The following SERPINB2 variants were observed in gnomAD, a reference collection of about 807,000 sequenced individuals.
SERPINB2 encodes the protein serpin family B member 2.
In SERPINB2, 28 loss-of-function variants were observed where a neutral mutation model predicts 39.4. The ratio of observed to expected loss-of-function variants is 0.71; its 90% confidence interval spans 0.53 to 0.97. SERPINB2 has a LOEUF of 0.97. Among genes scored for constraint, SERPINB2 ranks in the 50% least tolerant of loss-of-function variants. SERPINB2 has a pLI of 0.00. For synonymous variants in SERPINB2, 209 were observed against 175.1 expected, an observed-to-expected ratio of 1.19 and a Z score of -1.53; for missense variants, 557 against 505.3, an observed-to-expected ratio of 1.10 and a Z score of -0.98.
At chr18:63,897,046 A>G in intron 3 of SERPINB2, 45 bp from the exon 4 acceptor site, 1 of 1,558,246 alleles carries the variant, frequency 6.4e-7, no homozygotes, top group South Asian at 1.2e-5. Flanking sequence ...TATCTTGTTT[A>G]GTAGTTCTGT....
At chr18:63,902,288 T>A (rs1599064909) in intron 6 of SERPINB2, 116 bp from the exon 7 acceptor site, 1 of 914,078 alleles carries the variant, frequency 1.1e-6, no homozygotes, top group East Asian at 2.8e-5. Flanking sequence ...TTTTGTTGAT[T>A]TAAAAAAATC....
At chr18:63,893,796 T>C (rs2049941888) in intron 2 of SERPINB2, among the ~76,000 whole-genome samples, 1 of 152,202 alleles carries the variant, frequency 6.6e-6, no homozygotes. Flanking sequence ...CCAGGCATCT[T>C]TCTAAGAACT....
intron 1 of SERPINB2, 37 bp downstream of exon 1, chr18:63,887,807 T>C (rs902563017): frequency 9.2e-5 from 14 of 152,284 alleles, no homozygotes; most frequent in African/African-American, 2.9e-4. Flanking sequence ...CTATGGGAAA[T>C]AGGGTTTCAT....
intron 5 of SERPINB2, among the ~76,000 whole-genome samples, chr18:63,900,630 T>C (rs910848180): frequency 1.3e-5 from 2 of 152,142 alleles, no homozygotes; most frequent in Admixed American, 6.6e-5. Flanking sequence ...GGGGAATAAC[T>C]TTTGGGTCAT....
chr18:63,889,448 A>G (rs898625016), intron 1 of SERPINB2, among the ~76,000 whole-genome samples: 1 of 152,168 alleles, frequency 6.6e-6, no homozygotes, highest in Non-Finnish European at 1.5e-5. Context: ...CAAAGTTACT[A>G]TGTGGATTGT....
chr18:63,893,948 T>C (rs2049942900), intron 2 of SERPINB2, among the ~76,000 whole-genome samples: 1 of 152,174 alleles, frequency 6.6e-6, no homozygotes, highest in African/African-American at 2.4e-5. Flanking sequence ...GGTACATTTG[T>C]AGTGAAAGAA....
At chr18:63,889,107 C>A (rs2049909520) in intron 1 of SERPINB2, among the ~76,000 whole-genome samples, 1 of 152,140 alleles carries the variant, frequency 6.6e-6, no homozygotes, top group Non-Finnish European at 1.5e-5. Flanking sequence ...TGAAATGGAC[C>A]AGCTGTGCAA....
chr18:63,902,431 T>C lies in SERPINB2; in HGVS notation c.706T>C (p.Tyr236His), dbSNP rs753478841. 6 of 1,613,274 alleles carry C rather than the reference T, an allele frequency of 3.7e-6. No individual in the cohort carries two copies. The highest frequency in any genetic ancestry group is 2.2e-5 in the East Asian group (1 of 44,840). The change falls in exon 7 of 8, where the codon TAC (tyrosine) becomes CAC (histidine). Residue 236 changes from tyrosine (Y) to histidine (H), a missense_variant. Physicochemically the swap from Tyr to His is moderately conservative, Grantham distance 83 (BLOSUM62 2). Transcript: ENST00000299502. ...TCAGCGCACACCTGTACAGATGATG[T>C]ACTTGCGTGAAAAGCTAAACATTGG... is the stretch of plus-strand genomic sequence containing the variant. ...SAQRTPVQMM[Y>H]LREKLNIGYI...
chr18:63,901,857 G>T lies in SERPINB2; in HGVS notation c.653G>T (p.Gly218Val). The T allele has an allele frequency of 1.2e-6, 2 of 1,601,098 alleles. No individual in the cohort carries two copies. The highest frequency in any genetic ancestry group is 2.3e-5 in the South Asian group (2 of 88,102). ...ACTCCATTTGAGAAGAAACTAAATG[G>T]GCTTTATCCTTTCCGTGTAAACTCG... The part of the protein sequence containing the change: ...WKTPFEKKLN[G>V]LYPFRVNSAQ... Residue 218 changes from glycine (G) to valine (V), a missense_variant, in exon 6 of 8, where the codon GGG becomes GTG. By Grantham distance (109) the Gly-to-Val change is moderately radical. Transcript: ENST00000299502.
At chr18:63,890,289 T>TGAGACCA (rs749241630) in intron 1 of SERPINB2, among the ~76,000 whole-genome samples, 2 of 152,162 alleles carry the variant, frequency 1.3e-5, no homozygotes, top group African/African-American at 2.4e-5. Flanking sequence ...CAATGCTGTG[T>TGAGACCA]GAGACCACAG....
intron 5 of SERPINB2, among the ~76,000 whole-genome samples, chr18:63,900,064 C>A (rs1480438224): frequency 6.6e-6 from 1 of 152,086 alleles, no homozygotes; most frequent in Non-Finnish European, 1.5e-5. Flanking sequence ...GTTTTGCCTT[C>A]TTTAAAGAAT....
chr18:63,897,658 A>G, intron 4 of SERPINB2, 69 bp from the exon 5 acceptor site: 4 of 1,102,654 alleles, frequency 3.6e-6, no homozygotes, highest in African/African-American at 1.6e-5. Flanking sequence ...GAAGACCATA[A>G]TTCACCATTA....
chr18:63,894,803 G>A lies in SERPINB2; in HGVS notation c.169-461G>A, dbSNP rs150402215. Among the ~76,000 whole-genome samples the A allele has an allele frequency of 9.8e-3, 1,496 of 152,292 alleles. 15 individuals are homozygous for A. The highest frequency in any genetic ancestry group is 0.016 in the Non-Finnish European group (1,073 of 68,032). On this transcript the variant is annotated intron_variant, in intron 2 of 7. Transcript: ENST00000299502. ...GAACCCTGTTAATATTGCATGACCT[G>A]TTTTATGCCTTAGCTGACTCTGGCT...
At chr18:63,895,470 A>C (rs1440244795) in intron 3 of SERPINB2, 87 bp downstream of exon 3, 2 of 1,509,900 alleles carry the variant, frequency 1.3e-6, no homozygotes, top group Non-Finnish European at 1.8e-6. Flanking sequence ...CTGGGAAGGA[A>C]GCGAATATAC....
chr18:63,902,229 C>T (rs10513931), intron 6 of SERPINB2, among the ~76,000 whole-genome samples, 175 bp from the exon 7 acceptor site: 7,261 of 152,192 alleles, frequency 0.048, 387 homozygotes, highest in East Asian at 0.26. Flanking sequence ...TAAAGTTGAA[C>T]AAGCTAATAA....
intron 5 of SERPINB2, 75 bp downstream of exon 5, chr18:63,897,919 T>A: frequency 9.9e-7 from 1 of 1,010,630 alleles, no homozygotes; most frequent in East Asian, 2.4e-5. Flanking sequence ...ATCCATGAAC[T>A]TAGTTAGCCC....
intron 5 of SERPINB2, among the ~76,000 whole-genome samples, chr18:63,900,147 C>T (rs1343905683): frequency 6.6e-6 from 1 of 152,146 alleles, no homozygotes; most frequent in Non-Finnish European, 1.5e-5. Flanking sequence ...GCCAAAATGC[C>T]AAGCAGCTAT....
intron 2 of SERPINB2, among the ~76,000 whole-genome samples, chr18:63,892,270 C>A (rs1327126342): frequency 6.6e-6 from 1 of 152,158 alleles, no homozygotes; most frequent in African/African-American, 2.4e-5. Flanking sequence ...ATGGGATGCA[C>A]AACATCATTG....
At chr18:63,893,600 AG>A (rs1208743507) in intron 2 of SERPINB2, among the ~76,000 whole-genome samples, 1 of 152,204 alleles carries the variant, frequency 6.6e-6, no homozygotes, top group Non-Finnish European at 1.5e-5. Context: ...TCTGTGTTTG[AG>A]TCATGGCTTT....
Sources: gnomAD v4.1 joint callset for allele counts (sites outside exome capture counted in the v4.1 genomes callset) on GRCh38, gnomAD v4.1.1 for gene constraint, MANE v1.5 for transcripts, NCBI Gene and HGNC (gene_info 2026-07-23, HGNC 2026-07-21) for gene names.